CFAP97: variants seen among roughly 807,000 people sequenced by gnomAD.
CFAP97 encodes cilia- and flagella-associated protein 97.
Under a neutral mutation model 43.1 loss-of-function variants are expected in CFAP97, and 36 were observed. The ratio of observed to expected loss-of-function variants is 0.84; its 90% CI spans 0.64 to 1.10. CFAP97 has a LOEUF of 1.10. Among genes scored for constraint, CFAP97 ranks in the 50% least tolerant of loss-of-function variants. The pLI is 0.00. For synonymous variants in CFAP97, 228 were observed against 225.7 expected (o/e 1.01, Z -0.09); for missense variants, 657 against 620.3 (o/e 1.06, Z -0.63).
At position 185,159,922 on chromosome 4, in the gene CFAP97, C is replaced by G. The variant is rs941489343; in HGVS notation, c.*2876G>C. ...TGTAATTATTAAAGTATAATCAACTCACATCTTTGGGTTTATATTGGTCTT... is the reference window on the plus strand; with the variant it reads ...TGTAATTATTAAAGTATAATCAACTGACATCTTTGGGTTTATATTGGTCTT... On this transcript the variant is annotated 3_prime_UTR_variant, in exon 5 of 5. Coordinates refer to ENST00000458385, the MANE Select transcript of CFAP97 (RefSeq NM_020827.3). 1 of 152,162 alleles carries G rather than the reference C, an allele frequency of 6.6e-6. No homozygotes were observed. The highest frequency in any genetic ancestry group is 1.5e-5 in the Non-Finnish European group (1 of 68,034). The allele number at this position is 152,162 out of a possible 1,614,324, so 9.4% of individuals were successfully genotyped here.
At chr4:185,180,675 C>T (rs1253249487) in intron 2 of CFAP97, among the ~76,000 whole-genome samples, 1 of 152,050 alleles carries the variant, frequency 6.6e-6, no homozygotes, top group Non-Finnish European at 1.5e-5. Context: ...ACCCAACCAC[C>T]CACTTGCATT....
At chr4:185,198,274 C>T (rs561561565) in intron 1 of CFAP97, among the ~76,000 whole-genome samples, 33 of 151,856 alleles carry the variant, frequency 2.2e-4, no homozygotes, top group African/African-American at 8.0e-4. Context: ...GAAACCCTAT[C>T]TCTACTAAAA....
rs1275707530 is a variant in CFAP97 at position 185,161,549 on chromosome 4, G to A, written c.*1249C>T. ...CTGAAAAGGCTAGTAGTGAAAAACG[G>A]CGGTAACAATGAGATAACATACTTT... is the stretch of plus-strand genomic sequence containing the variant. On this transcript the variant is annotated 3_prime_UTR_variant, in exon 5 of 5. Transcript: ENST00000458385. The A allele has an allele frequency of 6.6e-6, 1 of 152,080 alleles. No homozygotes were observed. 9.4% of individuals were successfully genotyped at this position (152,080 alleles called of 1,614,324 possible).
Position 185,190,999 on chromosome 4 carries a change from C to T in CFAP97, c.198G>A (p.Glu66=). Residue 66 remains glutamate (E), a synonymous_variant, in exon 2 of 5, where the codon GAG becomes GAA. Coordinates refer to ENST00000458385, the MANE Select transcript of CFAP97 (RefSeq NM_020827.3). ...GMQTTENYLT[E]KGNERNVKFP... The stretch of plus-strand genomic sequence containing the variant: ...ATTTCACGTTTCTTTCATTTCCCTT[C>T]TCAGTAAGATAATTTTCTGTTGTTT... The T allele has an allele frequency of 6.2e-7, 1 of 1,613,576 alleles. No homozygotes were observed. Among genetic ancestry groups the T allele is most frequent in the Non-Finnish European group, 8.5e-7 (1 of 1,179,678 alleles).
At chr4:185,177,172 G>A (rs1160445817) in intron 2 of CFAP97, among the ~76,000 whole-genome samples, 1 of 152,128 alleles carries the variant, frequency 6.6e-6, no homozygotes. Context: ...CAGCACTTTG[G>A]GAGGCTGAGG....
intron 3 of CFAP97, 95 bp downstream of exon 3, chr4:185,175,691 T>C: frequency 4.3e-6 from 5 of 1,159,120 alleles, no homozygotes; most frequent in Non-Finnish European, 6.2e-6. Context: ...GTAATGAAGT[T>C]TGAATATTTG....
intron 1 of CFAP97, among the ~76,000 whole-genome samples, chr4:185,192,322 T>A (rs953921872): frequency 4.6e-5 from 7 of 152,180 alleles, no homozygotes; most frequent in Admixed American, 2.6e-4. Flanking sequence ...TATGAGAAAT[T>A]CACAGCATAC....
At position 185,160,377 on chromosome 4, in the gene CFAP97, A is replaced by C. The variant is rs1734835715; in HGVS notation, c.*2421T>G. 6.6e-6 allele frequency: 1 copy of C among 151,544 alleles called. No homozygotes were observed. Among genetic ancestry groups the C allele is most frequent in the Non-Finnish European group, 1.5e-5 (1 of 67,954 alleles). The allele number at this position is 151,544 out of a possible 1,614,324, so 9.4% of individuals were successfully genotyped here. ...TATATTCAGTACAAGTCAAAAAAAA[A>C]ATAAAATAAAATAGTGCCAGACCAT... On this transcript the variant is annotated 3_prime_UTR_variant, in exon 5 of 5. Transcript: ENST00000458385.
chr4:185,177,113 C>T (rs1216370855), intron 2 of CFAP97, among the ~76,000 whole-genome samples: 1 of 152,030 alleles, frequency 6.6e-6, no homozygotes, highest in Non-Finnish European at 1.5e-5. Context: ...TAAGTATGTA[C>T]TAAAAAGGGA....
intron 2 of CFAP97, among the ~76,000 whole-genome samples, chr4:185,181,545 G>A (rs917073144): frequency 6.6e-6 from 1 of 151,836 alleles, no homozygotes; most frequent in Non-Finnish European, 1.5e-5. Context: ...GGCTGGTCTC[G>A]AACACCCGAC....
chr4:185,199,697 G>C (rs957724291), intron 1 of CFAP97, among the ~76,000 whole-genome samples: 1 of 152,160 alleles, frequency 6.6e-6, no homozygotes, highest in Admixed American at 6.6e-5. Flanking sequence ...AAAATCTTAA[G>C]GGCCTTAAGA....
At chr4:185,196,612 A>G (rs1019179770) in intron 1 of CFAP97, among the ~76,000 whole-genome samples, 3 of 152,196 alleles carry the variant, frequency 2.0e-5, no homozygotes, top group Non-Finnish European at 2.9e-5. Flanking sequence ...AGGGTTGGAA[A>G]TGCCACTGAT....
chr4:185,177,615 A>C (rs1004585903), intron 2 of CFAP97, among the ~76,000 whole-genome samples: 5 of 151,972 alleles, frequency 3.3e-5, no homozygotes, highest in African/African-American at 1.2e-4. Context: ...TGGGTAGATC[A>C]CCTGAGGTCA....
rs999348318 is a variant in CFAP97 at position 185,209,190 on chromosome 4, CTG to C, written c.-74+133_-74+134del. ...GTGGGAAAGGGAAGGTCGTTAGAAA[CTG>C]TGACAGGGAGTCTCGGGAACGGTTG... is the stretch of plus-strand genomic sequence containing the variant. On this transcript the variant is annotated intron_variant, in intron 1 of 2. Coordinates refer to the CFAP97 transcript ENST00000503223. The surrounding 1 kb of genome is among the most constrained non-coding windows in gnomAD (Gnocchi z 5.2). The C allele has an allele frequency of 6.6e-6, 1 of 152,220 alleles. No individual in the cohort carries two copies. Among genetic ancestry groups the C allele is most frequent in the Non-Finnish European group, 1.5e-5 (1 of 68,054 alleles). 9.4% of individuals were successfully genotyped at this position (152,220 alleles called of 1,614,324 possible).
chr4:185,167,998 CAAAAAA>C (rs1195340198), intron 3 of CFAP97, among the ~76,000 whole-genome samples: 1 of 54,720 alleles, frequency 1.8e-5, no homozygotes, highest in Non-Finnish European at 4.3e-5. Context: ...GACTCCTTCT[CAAAAAA>C]AAAAAAAAAA....
Position 185,162,698 on chromosome 4 carries a change from G to T in CFAP97, c.*100C>A. On this transcript the variant is annotated 3_prime_UTR_variant, in exon 5 of 5. Coordinates refer to ENST00000458385, the MANE Select transcript of CFAP97 (RefSeq NM_020827.3). The stretch of plus-strand genomic sequence containing the variant: ...AACTCACTGTTGTACACCTTCAATT[G>T]CTAAAACGGTATTCTAGATGTTTAC... The T allele has an allele frequency of 7.7e-7, 1 of 1,297,458 alleles. No homozygotes were observed. The highest frequency in any genetic ancestry group is 1.1e-6 in the Non-Finnish European group (1 of 926,030). The allele number at this position is 1,297,458 out of a possible 1,614,324, so 80.4% of individuals were successfully genotyped here.
intron 2 of CFAP97, among the ~76,000 whole-genome samples, chr4:185,186,318 A>C (rs1372020835): frequency 6.6e-6 from 1 of 152,130 alleles, no homozygotes; most frequent in Non-Finnish European, 1.5e-5. Flanking sequence ...CTGTAATCCC[A>C]GCTACTCAGG....
At chr4:185,208,070 G>C (rs909261283), upstream of CFAP97, among the ~76,000 whole-genome samples, 14 of 152,102 alleles carry the variant, frequency 9.2e-5, no homozygotes, top group African/African-American at 3.4e-4. Flanking sequence ...CTATTTTAGA[G>C]GCAAAAGGGC....
upstream of CFAP97, among the ~76,000 whole-genome samples, chr4:185,206,583 G>A (rs558796294): frequency 4.0e-5 from 6 of 148,946 alleles, no homozygotes; most frequent in African/African-American, 1.2e-4. Context: ...CTCTTGAACC[G>A]GGGAGGCGGA....
Sources: gnomAD v4.1 joint callset for allele counts (sites outside exome capture counted in the v4.1 genomes callset) on GRCh38, gnomAD v4.1.1 for gene constraint, Gnocchi (gnomAD v3.1) non-coding constraint, MANE v1.5 for transcripts, NCBI Gene and HGNC (gene_info 2026-07-23, HGNC 2026-07-21) for gene names.